The following ZBTB20 variants were observed in gnomAD, a reference collection of about 807,000 sequenced individuals.
ZBTB20 encodes the protein zinc finger and BTB domain-containing protein 20.
ZBTB20 carries 9 observed loss-of-function variants against 56.9 expected under a neutral mutation model. The ratio of observed to expected loss-of-function variants is 0.16; its 90% CI spans 0.10 to 0.28. ZBTB20 has a LOEUF of 0.28. Among genes scored for constraint, ZBTB20 ranks in the 10% least tolerant of loss-of-function variants. The pLI, the probability that ZBTB20 is intolerant of heterozygous loss-of-function variation, is 1.00. For synonymous variants in ZBTB20, 417 were observed against 420.7 expected (o/e 0.99, Z 0.11); for missense variants, 655 against 1,003.0 (o/e 0.65, Z 4.69).
chr3:114,917,452 T>C (rs957004263), intron 3 of ZBTB20, among the ~76,000 whole-genome samples: 8 of 152,166 alleles, frequency 5.3e-5, no homozygotes, highest in South Asian at 2.1e-4. Flanking sequence ...AGTGAAGAAG[T>C]AGGTATTTAT....
intron 3 of ZBTB20, among the ~76,000 whole-genome samples, chr3:114,914,886 G>A (rs983982240): frequency 6.6e-6 from 1 of 151,706 alleles, no homozygotes; most frequent in African/African-American, 2.4e-5. Flanking sequence ...TGATTTGCAT[G>A]TGTTGAATAA....
intron 5 of ZBTB20, among the ~76,000 whole-genome samples, chr3:114,725,274 C>T (rs1239205131): frequency 1.3e-5 from 2 of 152,098 alleles, no homozygotes; most frequent in African/African-American, 4.8e-5. Context: ...ATTAAATATG[C>T]CTTCTCAACA....
intron 7 of ZBTB20, among the ~76,000 whole-genome samples, chr3:114,484,358 C>T (rs987478230): frequency 7.9e-5 from 12 of 152,142 alleles, no homozygotes; most frequent in African/African-American, 1.9e-4. Flanking sequence ...CTCTGCTGTT[C>T]CAAGCCTCAG....
At chr3:114,837,352 T>C (rs2074171942) in intron 4 of ZBTB20, among the ~76,000 whole-genome samples, 1 of 152,198 alleles carries the variant, frequency 6.6e-6, no homozygotes, top group African/African-American at 2.4e-5. Flanking sequence ...TAGTTATCTA[T>C]TACAGCATAA....
chr3:114,770,462 A>G (rs1174065553), intron 5 of ZBTB20, among the ~76,000 whole-genome samples: 4 of 151,846 alleles, frequency 2.6e-5, no homozygotes, highest in African/African-American at 9.7e-5. Flanking sequence ...AAAAAAAAAA[A>G]GGAACTTATT....
chr3:115,035,895 AAG>A (rs1233714778), intron 2 of ZBTB20, among the ~76,000 whole-genome samples: 8 of 152,344 alleles, frequency 5.3e-5, no homozygotes, highest in Non-Finnish European at 4.4e-5. Context: ...CAGTCTTAAA[AAG>A]TAAGGAAATT....
chr3:115,066,318 G>A (rs1339764128), intron 2 of ZBTB20, among the ~76,000 whole-genome samples: 1 of 151,330 alleles, frequency 6.6e-6, no homozygotes, highest in Admixed American at 6.6e-5. Flanking sequence ...AAAACATCTT[G>A]AGAGTCATCC....
At chr3:114,963,544 T>C (rs1286175782) in intron 3 of ZBTB20, among the ~76,000 whole-genome samples, 1 of 152,126 alleles carries the variant, frequency 6.6e-6, no homozygotes, top group Admixed American at 6.6e-5. Flanking sequence ...TCCAAACAGG[T>C]CCATGTAAAA....
At chr3:115,038,879 A>T (rs1356733042) in intron 2 of ZBTB20, among the ~76,000 whole-genome samples, 3 of 152,160 alleles carry the variant, frequency 2.0e-5, no homozygotes, top group African/African-American at 7.2e-5. Flanking sequence ...TTCACCTTTT[A>T]GCCATTGCAT....
intron 6 of ZBTB20, among the ~76,000 whole-genome samples, chr3:114,559,388 A>G (rs1477907140): frequency 6.6e-6 from 1 of 152,208 alleles, no homozygotes; most frequent in Non-Finnish European, 1.5e-5. Flanking sequence ...ATCATATGGT[A>G]AATACGTATT....
chr3:115,070,389 A>G (rs776062193), intron 2 of ZBTB20, among the ~76,000 whole-genome samples: 2 of 152,152 alleles, frequency 1.3e-5, no homozygotes, highest in Non-Finnish European at 2.9e-5. Context: ...TTTGGCATAA[A>G]CAAATTCAAA....
intron 11 of ZBTB20, among the ~76,000 whole-genome samples, chr3:114,341,903 C>G (rs2079804658): frequency 6.6e-6 from 1 of 152,190 alleles, no homozygotes; most frequent in Non-Finnish European, 1.5e-5. Flanking sequence ...GGGCAACCTA[C>G]TTAGTCACTG....
chr3:114,368,728 G>A (rs925253237), intron 10 of ZBTB20, among the ~76,000 whole-genome samples: 2 of 152,260 alleles, frequency 1.3e-5, no homozygotes, highest in Non-Finnish European at 2.9e-5. Context: ...AGCAGGGCTG[G>A]AAGTGGGGGC....
chr3:114,988,831 T>C (rs1388860530), intron 2 of ZBTB20, among the ~76,000 whole-genome samples: 1 of 152,218 alleles, frequency 6.6e-6, no homozygotes, highest in African/African-American at 2.4e-5. Flanking sequence ...TGGTTTTGAT[T>C]TGCATTTCTC....
At chr3:114,800,113 G>C (rs2071606549) in intron 5 of ZBTB20, among the ~76,000 whole-genome samples, 2 of 151,838 alleles carry the variant, frequency 1.3e-5, no homozygotes, top group African/African-American at 2.4e-5. Context: ...GAAAGAACTT[G>C]CAATACATTA....
chr3:114,459,974 G>C (rs2092248920), intron 7 of ZBTB20, among the ~76,000 whole-genome samples: 1 of 151,884 alleles, frequency 6.6e-6, no homozygotes, highest in Admixed American at 6.6e-5. Flanking sequence ...ACAAGCAGAA[G>C]GTATTTAGGA....
chr3:114,980,907 GGT>G (rs757319078), intron 2 of ZBTB20, among the ~76,000 whole-genome samples: 16 of 151,762 alleles, frequency 1.1e-4, no homozygotes, highest in Non-Finnish European at 2.1e-4. Flanking sequence ...TAGGGGGAAA[GGT>G]GTTTTTGTTT....
intron 4 of ZBTB20, among the ~76,000 whole-genome samples, chr3:114,807,095 T>G (rs982854656): frequency 7.9e-5 from 12 of 152,018 alleles, no homozygotes; most frequent in Non-Finnish European, 1.5e-4. Flanking sequence ...TCGTGTAAAT[T>G]TTAGGATTAG....
At chr3:115,076,602 C>T (rs986345867) in intron 1 of ZBTB20, among the ~76,000 whole-genome samples, 1 of 152,062 alleles carries the variant, frequency 6.6e-6, no homozygotes, top group Non-Finnish European at 1.5e-5. Flanking sequence ...TAGAATAAAA[C>T]ATACAGGAAA....
Sources: gnomAD v4.1 joint callset for allele counts (sites outside exome capture counted in the v4.1 genomes callset) on GRCh38, gnomAD v4.1.1 for gene constraint, MANE v1.5 for transcripts, NCBI Gene and HGNC (gene_info 2026-07-23, HGNC 2026-07-21) for gene names.